Variants in OLFML2B observed in about 807,000 individuals in gnomAD.
The protein encoded by OLFML2B is olfactomedin-like protein 2B.
A neutral mutation model predicts 74.9 loss-of-function variants in OLFML2B; 57 were observed. The observed-to-expected ratio is 0.76, with a 90% confidence interval of 0.61 to 0.95. The LOEUF (loss-of-function observed/expected upper bound fraction) is 0.95, where lower values mean the gene tolerates loss of function less well. Among genes scored for constraint, OLFML2B ranks in the 40% least tolerant of loss-of-function variants. OLFML2B has a pLI of 0.00. For synonymous variants in OLFML2B, 388 were observed against 405.8 expected (o/e 0.96, Z 0.53); for missense variants, 986 against 970.6 (o/e 1.02, Z -0.21).
At chr1:162,002,735 C>T (rs767627170) in intron 4 of OLFML2B, among the ~76,000 whole-genome samples, 6 of 152,196 alleles carry the variant, frequency 3.9e-5, no homozygotes, top group Non-Finnish European at 5.9e-5. Context: ...TTCTGCCAGC[C>T]TCCCCTGTCT....
intron 7 of OLFML2B, 91 bp from the exon 8 acceptor site, chr1:161,984,367 T>C: frequency 6.8e-7 from 1 of 1,481,086 alleles, no homozygotes; most frequent in Non-Finnish European, 8.9e-7. Context: ...CAACGAGGGG[T>C]CTGGAAACCC....
chr1:161,984,309 G>A, intron 7 of OLFML2B, 33 bp from the exon 8 acceptor site: 1 of 1,513,616 alleles, frequency 6.6e-7, no homozygotes, highest in Non-Finnish European at 8.8e-7. Flanking sequence ...AGGCTTCAGA[G>A]TGGCATGGCA....
In OLFML2B at chr1:161,986,473, G is replaced by A. The variant is rs140425266; in HGVS notation, c.1475-1493C>T. On this transcript the variant is annotated intron_variant, in intron 6 of 7. Transcript: ENST00000294794. The stretch of plus-strand genomic sequence containing the variant: ...CACTGTTTTGCAGGCAGGCCCCATA[G>A]CTGGGTGCAGTTGGCAGGGTTTAGG... 1.1e-3 allele frequency among the ~76,000 whole-genome samples: 169 copies of A among 152,350 alleles called. 1 individual carries two copies. Among genetic ancestry groups the A allele is most frequent in the African/African-American group, 3.7e-3 (155 of 41,580 alleles).
rs759197293 is a variant in OLFML2B at position 161,998,129 on chromosome 1, TGA to T, written c.1168_1169del (p.Val391GlyfsTer95). 1 of 1,613,942 alleles carries T rather than the reference TGA, an allele frequency of 6.2e-7. No homozygotes were observed. Among genetic ancestry groups the T allele is most frequent in the Non-Finnish European group, 8.5e-7 (1 of 1,180,040 alleles). ...AGGTTGTTTGGAGTGTTGGTCCCAC[TGA>T]GGCATGGTTGGCGATGCTGGGATCT... ...TSDPSIANHA[S>X]VGPTLQTTSV... On this transcript the variant is annotated frameshift_variant, in exon 6 of 8. Coordinates refer to ENST00000294794, the MANE Select transcript of OLFML2B (RefSeq NM_015441.3). LOFTEE classifies it high-confidence loss of function.
chr1:162,005,644 T>C (rs183976264), intron 4 of OLFML2B, among the ~76,000 whole-genome samples: 16 of 151,982 alleles, frequency 1.1e-4, no homozygotes, highest in African/African-American at 3.6e-4. Context: ...GTCATCCCAG[T>C]GATTTGGGAG....
chr1:162,013,335 G>C (rs1217843852), intron 3 of OLFML2B, among the ~76,000 whole-genome samples: 3 of 152,032 alleles, frequency 2.0e-5, no homozygotes, highest in African/African-American at 7.2e-5. Flanking sequence ...TCTTATTCCT[G>C]GAGCAGTTTT....
At position 162,004,359 on chromosome 1, in the gene OLFML2B, C is replaced by T. The variant is rs185177524; in HGVS notation, c.723+1938G>A. Among the ~76,000 whole-genome samples the T allele has an allele frequency of 2.7e-4, 41 of 152,188 alleles. No individual in the cohort carries two copies. The East Asian group carries it at 6.9e-3, about 26-fold the overall frequency. On this transcript the variant is annotated intron_variant, in intron 4 of 7. Coordinates refer to ENST00000294794, the MANE Select transcript of OLFML2B (RefSeq NM_015441.3). The stretch of plus-strand genomic sequence containing the variant: ...CTCAGTAGCCAGCCTGTCAGGGACA[C>T]CCAAAAATGAGAATCAAAATAATTT...
intron 7 of OLFML2B, among the ~76,000 whole-genome samples, chr1:161,984,575 C>G (rs9427066): frequency 0.82 from 124,617 of 152,076 alleles, 51,569 homozygotes; most frequent in Non-Finnish European, 0.89. Flanking sequence ...CTTCTGGACT[C>G]GGAGGTTTTT....
chr1:161,988,714 C>T lies in OLFML2B; in HGVS notation c.1475-3734G>A, dbSNP rs182501220. Among the ~76,000 whole-genome samples, 189 of 152,154 alleles carry T rather than the reference C, an allele frequency of 1.2e-3. 1 individual carries two copies. The highest frequency in any genetic ancestry group is 2.4e-3 in the Non-Finnish European group (160 of 68,014). On this transcript the variant is annotated intron_variant, in intron 6 of 7. Transcript: ENST00000294794. ...TCAAATGCCACCCTCTGGAGTTCCA[C>T]CTTCAGCCTCCTCCCTCCTCATTCT... is the stretch of plus-strand genomic sequence containing the variant.
intron 3 of OLFML2B, among the ~76,000 whole-genome samples, chr1:162,011,886 C>T (rs565248132): frequency 1.1e-4 from 17 of 152,252 alleles, no homozygotes; most frequent in Admixed American, 2.6e-4. Context: ...CCTAGGCCGA[C>T]GGATGGAGGG....
rs1689950794 is a variant in OLFML2B at position 161,997,676 on chromosome 1, A to G, written c.1474+149T>C. The stretch of plus-strand genomic sequence containing the variant: ...CAATAAATAAACCCTAGATGTTAAA[A>G]CTAATCGTTGGTCAAAGGCTTAACT... On this transcript the variant is annotated intron_variant, in intron 6 of 7. Transcript: ENST00000294794. 3.6e-6 allele frequency: 3 copies of G among 837,558 alleles called. No individual in the cohort carries two copies. In the East Asian group the frequency reaches 7.4e-5, roughly 21 times the overall value. The allele number at this position is 837,558 out of a possible 1,614,324, so 51.9% of individuals were successfully genotyped here. A position where few individuals can be genotyped will look rare whatever the true frequency, so the allele number is the denominator to read the frequency against.
chr1:161,986,365 A>C (rs1317588083), intron 6 of OLFML2B, among the ~76,000 whole-genome samples: 1 of 152,196 alleles, frequency 6.6e-6, no homozygotes. Flanking sequence ...AAGGAGTCCA[A>C]GCCCTGCAGC....
intron 6 of OLFML2B, among the ~76,000 whole-genome samples, chr1:161,993,595 CT>C (rs1234363812): frequency 6.6e-6 from 1 of 152,170 alleles, no homozygotes; most frequent in Non-Finnish European, 1.5e-5. Context: ...CGAGTCCCTA[CT>C]TCTCATTCCC....
chr1:161,987,829 A>G (rs1387183985), intron 6 of OLFML2B, among the ~76,000 whole-genome samples: 1 of 152,204 alleles, frequency 6.6e-6, no homozygotes, highest in East Asian at 1.9e-4. Context: ...GCATTTTCAC[A>G]TGCCCTCAGA....
chr1:161,989,458 G>C (rs2101947888), intron 6 of OLFML2B, among the ~76,000 whole-genome samples: 1 of 152,264 alleles, frequency 6.6e-6, no homozygotes, highest in East Asian at 1.9e-4. Context: ...CACATCTTAG[G>C]ATGAATTTGG....
intron 6 of OLFML2B, among the ~76,000 whole-genome samples, chr1:161,986,732 G>T (rs1689600735): frequency 6.6e-6 from 1 of 152,146 alleles, no homozygotes; most frequent in South Asian, 2.1e-4. Context: ...AGGACGCCAC[G>T]CTCCTTCTGC....
rs1460566719 is a variant in OLFML2B at position 162,022,260 on chromosome 1, T to TTTTTTTTTTTTTTTTTTTTTTTC, written c.174+996_174+997insGAAAAAAAAAAAAAAAAAAAAAA. Among the ~76,000 whole-genome samples, 183 of 127,820 alleles carry TTTTTTTTTTTTTTTTTTTTTTTC rather than the reference T, an allele frequency of 1.4e-3. 10 individuals are homozygous for TTTTTTTTTTTTTTTTTTTTTTTC. Among genetic ancestry groups the TTTTTTTTTTTTTTTTTTTTTTTC allele is most frequent in the African/African-American group, 2.7e-3 (86 of 31,352 alleles). The allele number at this position is 127,820 out of a possible 152,430, so 83.9% of individuals were successfully genotyped here. A position where few individuals can be genotyped will look rare whatever the true frequency, so the allele number is the denominator to read the frequency against. Reference sequence around the variant, plus strand: ...GTATCTCTTCTTTTTTTTTTTTTTTTTTTTTTTTGAGACGGAGTCTCACTC... The same window carrying TTTTTTTTTTTTTTTTTTTTTTTC: ...GTATCTCTTCTTTTTTTTTTTTTTTTTTTTTTTTTTTTTTTTTTTTTTCTTTTTTTTGAGACGGAGTCTCACTC... On this transcript the variant is annotated intron_variant, in intron 1 of 7. Transcript: ENST00000294794.
rs201847694 is a variant in OLFML2B at position 162,006,507 on chromosome 1, G to A, written c.547-34C>T. On this transcript the variant is annotated intron_variant, in intron 3 of 7. Coordinates refer to ENST00000294794, the MANE Select transcript of OLFML2B (RefSeq NM_015441.3). ...GAAAAAAAAAAGATGATCCATTAAA[G>A]CACCCTGAAGACAAGCAGGAGGCAG... is the stretch of plus-strand genomic sequence containing the variant. 62 of 1,512,168 alleles carry A rather than the reference G, an allele frequency of 4.1e-5. No homozygotes were observed. The East Asian group carries it at 1.3e-3, about 32-fold the overall frequency. The allele number at this position is 1,512,168 out of a possible 1,614,324, so 93.7% of individuals were successfully genotyped here.
At chr1:161,990,507 T>C (rs1036733844) in intron 6 of OLFML2B, among the ~76,000 whole-genome samples, 1 of 152,218 alleles carries the variant, frequency 6.6e-6, no homozygotes. Flanking sequence ...AATAACATTA[T>C]GTCTAAAAAA....
Sources: allele counts gnomAD v4.1 joint callset (sites outside exome capture counted in the v4.1 genomes callset), GRCh38; gene constraint gnomAD v4.1.1; transcripts MANE v1.5; gene names NCBI Gene and HGNC (gene_info 2026-07-23, HGNC 2026-07-21).